LCLAT1: variants seen among roughly 807,000 people sequenced by gnomAD.
LCLAT1 encodes the protein lysocardiolipin acyltransferase 1.
In LCLAT1, 11 loss-of-function variants were observed where a neutral mutation model predicts 30.7. The ratio of observed to expected loss-of-function variants is 0.36; its 90% confidence interval spans 0.23 to 0.59. The LOEUF (loss-of-function observed/expected upper bound fraction) is 0.59. Ranked by LOEUF, LCLAT1 falls within the 20% of genes least tolerant of loss-of-function variation. The pLI is 0.77. For missense variants in LCLAT1, 402 were observed against 458.6 expected (o/e 0.88, Z 1.13); for synonymous variants, 155 against 151.3 (o/e 1.02, Z -0.18).
At chr2:30,626,269 G>A (rs892194703) in intron 5 of LCLAT1, among the ~76,000 whole-genome samples, 1 of 152,146 alleles carries the variant, frequency 6.6e-6, no homozygotes, top group East Asian at 1.9e-4. Context: ...TTGGCAACTT[G>A]TAAACAAATT....
At chr2:30,489,827 A>G (rs937310772) in intron 1 of LCLAT1, among the ~76,000 whole-genome samples, 8 of 152,214 alleles carry the variant, frequency 5.3e-5, no homozygotes, top group Non-Finnish European at 8.8e-5. Flanking sequence ...TTGCTTCTGT[A>G]CAAGCAACCC....
intron 2 of LCLAT1, among the ~76,000 whole-genome samples, chr2:30,528,058 G>A (rs1685805677): frequency 6.6e-6 from 1 of 152,084 alleles, no homozygotes; most frequent in Non-Finnish European, 1.5e-5. Context: ...GTCAAGACTG[G>A]GTCACTGCCA....
intron 4 of LCLAT1, 74 bp from the exon 5 acceptor site, chr2:30,567,986 A>T: frequency 1.4e-6 from 1 of 736,526 alleles, no homozygotes. Context: ...ATCAAAAAAA[A>T]TTCTGCACTT....
chr2:30,611,074 T>A (rs1191057339), intron 5 of LCLAT1, among the ~76,000 whole-genome samples: 1 of 151,604 alleles, frequency 6.6e-6, no homozygotes, highest in East Asian at 1.9e-4. Flanking sequence ...ACTGCTCTTC[T>A]ACTTTTAGCT....
chr2:30,640,360 G>A lies in LCLAT1; in HGVS notation c.872G>A (p.Gly291Glu). The A allele has an allele frequency of 6.2e-7, 1 of 1,614,182 alleles. No individual in the cohort carries two copies. Among genetic ancestry groups the A allele is most frequent in the Non-Finnish European group, 8.5e-7 (1 of 1,180,024 alleles). ...YQGEKNFYFT[G>E]QSVIPPCKSE... The stretch of plus-strand genomic sequence containing the variant: ...GGGGAGAAGAATTTTTATTTTACCG[G>A]ACAGAGTGTCATTCCACCTTGCAAG... The change falls in exon 6 of 6, where the codon GGA (glycine) becomes GAA (glutamate). Residue 291 changes from glycine (G) to glutamate (E), a missense_variant. By Grantham distance (98) the Gly-to-Glu change is moderately conservative. Coordinates refer to ENST00000379509, the MANE Select transcript of LCLAT1 (RefSeq NM_001002257.3).
intron 4 of LCLAT1, among the ~76,000 whole-genome samples, chr2:30,563,263 A>G (rs1665325538): frequency 6.6e-6 from 1 of 152,180 alleles, no homozygotes; most frequent in African/African-American, 2.4e-5. Flanking sequence ...ACTGAAAACA[A>G]AATACTCAAC....
intron 1 of LCLAT1, among the ~76,000 whole-genome samples, chr2:30,504,446 G>A (rs557567556): frequency 6.6e-6 from 1 of 152,216 alleles, no homozygotes; most frequent in South Asian, 2.1e-4. Context: ...ATCTTTGGTG[G>A]TGCCAATGTA....
chr2:30,615,589 C>G (rs1315628188), intron 5 of LCLAT1, among the ~76,000 whole-genome samples: 1 of 152,000 alleles, frequency 6.6e-6, no homozygotes. Context: ...CATTCCCTGC[C>G]GAAAAACTTA....
intron 1 of LCLAT1, among the ~76,000 whole-genome samples, chr2:30,471,166 C>T (rs1682765256): frequency 6.6e-6 from 1 of 151,720 alleles, no homozygotes; most frequent in African/African-American, 2.4e-5. Flanking sequence ...CCTGCCTTGG[C>T]CTCCCAAAGT....
At chr2:30,505,500 T>A (rs1284081846) in intron 1 of LCLAT1, among the ~76,000 whole-genome samples, 1 of 152,150 alleles carries the variant, frequency 6.6e-6, no homozygotes, top group Non-Finnish European at 1.5e-5. Flanking sequence ...TTATAAAATA[T>A]TCAGGTTAAA....
intron 5 of LCLAT1, among the ~76,000 whole-genome samples, chr2:30,622,368 G>C (rs930356179): frequency 1.3e-5 from 2 of 152,246 alleles, no homozygotes; most frequent in African/African-American, 2.4e-5. Flanking sequence ...TGAGAGCTCT[G>C]TTGTCCCTCC....
chr2:30,516,525 C>T (rs1044699354), intron 1 of LCLAT1, among the ~76,000 whole-genome samples: 7 of 152,166 alleles, frequency 4.6e-5, no homozygotes, highest in African/African-American at 9.7e-5. Context: ...CTGGGTTCCA[C>T]GGTTCTGTTC....
intron 1 of LCLAT1, among the ~76,000 whole-genome samples, chr2:30,451,508 G>A (rs1273166266): frequency 6.6e-6 from 1 of 152,230 alleles, no homozygotes; most frequent in African/African-American, 2.4e-5. Flanking sequence ...TTGTACATCA[G>A]CAGTAGAATG....
rs536108263 is a variant in LCLAT1, at chr2:30,484,563, A to C, written c.-5+37180A>C. Among the ~76,000 whole-genome samples, 6 of 152,294 alleles carry C rather than the reference A, an allele frequency of 3.9e-5. No individual in the cohort carries two copies. The East Asian group carries it at 1.2e-3, about 29-fold the overall frequency. On this transcript the variant is annotated intron_variant, in intron 1 of 5. Coordinates refer to ENST00000379509, the MANE Select transcript of LCLAT1 (RefSeq NM_001002257.3). Reference sequence around the variant, plus strand: ...GTAATTTTAAGATAATAGCACTAGAAAAGTACTGTGGGCAAGAGCTATGTT... The same window carrying C: ...GTAATTTTAAGATAATAGCACTAGACAAGTACTGTGGGCAAGAGCTATGTT...
At chr2:30,479,793 A>G (rs1683237787) in intron 1 of LCLAT1, among the ~76,000 whole-genome samples, 3 of 152,226 alleles carry the variant, frequency 2.0e-5, no homozygotes, top group Admixed American at 2.0e-4. Flanking sequence ...GGCTGAAAGT[A>G]TGTACCAAAA....
intron 1 of LCLAT1, among the ~76,000 whole-genome samples, chr2:30,509,979 G>C (rs575365811): frequency 6.6e-6 from 1 of 152,276 alleles, no homozygotes; most frequent in South Asian, 2.1e-4. Flanking sequence ...GTACAGATTA[G>C]GATTTGTGCC....
At chr2:30,625,725 A>G (rs1668476972) in intron 5 of LCLAT1, among the ~76,000 whole-genome samples, 1 of 152,226 alleles carries the variant, frequency 6.6e-6, no homozygotes. Context: ...AGTCTGCTAT[A>G]GTTTTGATGG....
At chr2:30,533,405 A>G in intron 3 of LCLAT1, 91 bp downstream of exon 3, 4 of 1,106,786 alleles carry the variant, frequency 3.6e-6, no homozygotes, top group Non-Finnish European at 5.5e-6. Context: ...AAGCGATTCC[A>G]TTTTTTTCCT....
At chr2:30,560,278 AGTGTGGTGT>A (rs1665136001) in intron 3 of LCLAT1, among the ~76,000 whole-genome samples, 1 of 137,958 alleles carries the variant, frequency 7.2e-6, no homozygotes, top group African/African-American at 2.8e-5. Context: ...GGCCAAATAA[AGTGTGGTGT>A]GTGTGTGTGT....
Sources: gnomAD v4.1 joint callset for allele counts (sites outside exome capture counted in the v4.1 genomes callset) on GRCh38, gnomAD v4.1.1 for gene constraint, MANE v1.5 for transcripts, NCBI Gene and HGNC (gene_info 2026-07-23, HGNC 2026-07-21) for gene names.